Variants in ST3GAL6 observed in about 807,000 individuals in gnomAD.
ST3GAL6 encodes type 2 lactosamine alpha-2,3-sialyltransferase.
In ST3GAL6, 31 loss-of-function variants were observed where a neutral mutation model predicts 40.5. That is an observed-to-expected ratio of 0.77 (90% CI 0.58 to 1.03). ST3GAL6 has a LOEUF of 1.03. Ranked by LOEUF, ST3GAL6 falls within the 50% of genes least tolerant of loss-of-function variation. The probability of loss-of-function intolerance (pLI) is 0.00; values close to 1 mark genes in which losing one functional copy is unlikely to be tolerated. For synonymous variants in ST3GAL6, 129 were observed against 136.9 expected (o/e 0.94, Z 0.40); for missense variants, 357 against 393.2 (o/e 0.91, Z 0.78).
chr3:98,765,600 ATATCT>A (rs1366530657), intron 1 of ST3GAL6, among the ~76,000 whole-genome samples: 1 of 152,180 alleles, frequency 6.6e-6, no homozygotes, highest in African/African-American at 2.4e-5. Context: ...ATTGGGTTAC[ATATCT>A]TAGTTGGAGA....
chr3:98,793,346 C>A (rs1309165245), intron 9 of ST3GAL6, among the ~76,000 whole-genome samples: 1 of 152,116 alleles, frequency 6.6e-6, no homozygotes, highest in Non-Finnish European at 1.5e-5. Flanking sequence ...AAACTGATTT[C>A]TAGGGGCTTC....
intron 2 of ST3GAL6, among the ~76,000 whole-genome samples, chr3:98,769,452 A>T (rs1938729475): frequency 6.6e-6 from 1 of 152,214 alleles, no homozygotes; most frequent in African/African-American, 2.4e-5. Context: ...CATCAAGGGG[A>T]TCTATCCCTA....
chr3:98,735,852 G>A (rs1559716197), intron 1 of ST3GAL6, among the ~76,000 whole-genome samples: 1 of 152,168 alleles, frequency 6.6e-6, no homozygotes, highest in East Asian at 1.9e-4. Context: ...ATATCAGGAT[G>A]TCAGAAACAC....
intron 1 of ST3GAL6, among the ~76,000 whole-genome samples, chr3:98,746,881 C>T (rs1263763510): frequency 6.6e-6 from 1 of 152,074 alleles, no homozygotes; most frequent in Non-Finnish European, 1.5e-5. Context: ...GATAATAAAC[C>T]TTGTTACAAT....
Position 98,793,663 on chromosome 3 carries a change from T to C in ST3GAL6, c.910-12T>C. 6.4e-7 allele frequency: 1 copy of C among 1,555,026 alleles called. No homozygotes were observed. The highest frequency in any genetic ancestry group is 8.7e-7 in the Non-Finnish European group (1 of 1,147,524). The stretch of plus-strand genomic sequence containing the variant: ...GGGAAAGAATGATGGTAATTGTATT[T>C]TTCTTCTTTAGAACGCGTATCACAA... On this transcript the variant is annotated splice_polypyrimidine_tract_variant and intron_variant, in intron 9 of 9. Transcript: ENST00000483910.
intron 3 of ST3GAL6, chr3:98,772,122 G>A (rs1030539652): frequency 1.4e-5 from 2 of 148,144 alleles, no homozygotes; most frequent in Non-Finnish European, 3.0e-5. Context: ...ACCCAAAAGG[G>A]TTAAAGTATT....
chr3:98,756,603 T>A, intron 1 of ST3GAL6: 1 of 1,150,840 alleles, frequency 8.7e-7, no homozygotes, highest in Non-Finnish European at 1.1e-6. Flanking sequence ...GCACTTGTAA[T>A]GTTCTTATAC....
rs114827680 is a variant in ST3GAL6, at chr3:98,780,163, A to G, written c.336-4782A>G. Among the ~76,000 whole-genome samples the G allele has an allele frequency of 1.7e-3, 266 of 152,272 alleles. 3 individuals are homozygous for G. The highest frequency in any genetic ancestry group is 0.01 in the Middle Eastern group (3 of 294). ...TCAGAGTATGGGGTACTTGCTAGAG[A>G]GTGAGGGAAGCAATGAGTAACGAGG... On this transcript the variant is annotated intron_variant, in intron 5 of 9. Transcript: ENST00000483910.
intron 1 of ST3GAL6, among the ~76,000 whole-genome samples, chr3:98,743,496 G>T (rs828594): frequency 0.41 from 61,990 of 151,864 alleles, 13,040 homozygotes; most frequent in Middle Eastern, 0.56. Context: ...TGAGGTCCTA[G>T]CTGGGCTTCC....
chr3:98,732,993 G>A lies in ST3GAL6; in HGVS notation c.-12+461G>A, dbSNP rs1232631985. On this transcript the variant is annotated intron_variant, in intron 1 of 9. Transcript: ENST00000265261. ...GTCACTCTTGCCGGCCGGCTTCGCT[G>A]CGGGTTTGCACTGCCCGGGTGAGGG... 3.4e-6 allele frequency: 5 copies of A among 1,486,872 alleles called. No individual in the cohort carries two copies. In the African/African-American group the frequency reaches 7.2e-5, roughly 22 times the overall value. The allele number at this position is 1,486,872 out of a possible 1,614,324, so 92.1% of individuals were successfully genotyped here.
chr3:98,742,860 G>A (rs1936215566), intron 1 of ST3GAL6, among the ~76,000 whole-genome samples: 2 of 151,536 alleles, frequency 1.3e-5, no homozygotes, highest in South Asian at 4.2e-4. Flanking sequence ...ACCACACCTG[G>A]CTAATTTTTT....
chr3:98,736,342 A>G (rs1935544479), intron 1 of ST3GAL6, among the ~76,000 whole-genome samples: 1 of 152,230 alleles, frequency 6.6e-6, no homozygotes, highest in Admixed American at 6.5e-5. Context: ...CAATGTATTT[A>G]GTGCTAGGCT....
chr3:98,774,050 C>G, intron 5 of ST3GAL6, 67 bp downstream of exon 5: 9 of 1,274,958 alleles, frequency 7.1e-6, no homozygotes, highest in Middle Eastern at 1.9e-4. Context: ...AATATGTACC[C>G]CAAGAAATGT....
upstream of ST3GAL6, among the ~76,000 whole-genome samples, chr3:98,760,857 T>G (rs1248789433): frequency 1.3e-5 from 2 of 152,216 alleles, no homozygotes; most frequent in Non-Finnish European, 2.9e-5. Context: ...AATTGTGGTA[T>G]GACCATACAA....
chr3:98,773,015 T>A (rs1447521555), intron 4 of ST3GAL6, 99 bp downstream of exon 4: 10 of 682,928 alleles, frequency 1.5e-5, no homozygotes, highest in African/African-American at 1.5e-4. Flanking sequence ...TCTTTCTGCT[T>A]CCTAATGATT....
At chr3:98,757,673 G>A (rs1203051218) in intron 1 of ST3GAL6, among the ~76,000 whole-genome samples, 1 of 152,080 alleles carries the variant, frequency 6.6e-6, no homozygotes, top group East Asian at 1.9e-4. Flanking sequence ...TGGGTATCCC[G>A]GGGGAAGTTA....
At chr3:98,741,758 G>A (rs1173310394) in intron 1 of ST3GAL6, among the ~76,000 whole-genome samples, 1 of 152,062 alleles carries the variant, frequency 6.6e-6, no homozygotes, top group East Asian at 1.9e-4. Flanking sequence ...CTTACAATAT[G>A]GCATGTAATA....
intron 1 of ST3GAL6, among the ~76,000 whole-genome samples, chr3:98,750,612 C>G (rs1463920381): frequency 2.0e-5 from 3 of 151,116 alleles, no homozygotes; most frequent in Non-Finnish European, 4.4e-5. Flanking sequence ...ATGCAGATAA[C>G]CAGGCCCTGC....
chr3:98,740,690 A>G (rs547616371), intron 1 of ST3GAL6, among the ~76,000 whole-genome samples: 5 of 152,234 alleles, frequency 3.3e-5, no homozygotes, highest in Non-Finnish European at 7.3e-5. Context: ...ATAATGAAAA[A>G]AACACATACA....
Sources: allele counts gnomAD v4.1 joint callset (sites outside exome capture counted in the v4.1 genomes callset), GRCh38; gene constraint gnomAD v4.1.1; transcripts MANE v1.5; gene names NCBI Gene and HGNC (gene_info 2026-07-23, HGNC 2026-07-21).